The following CAMTA1 variants were observed in gnomAD, a reference collection of about 807,000 sequenced individuals.
CAMTA1 encodes the protein calmodulin binding transcription activator 1.
A neutral mutation model predicts 170.9 loss-of-function variants in CAMTA1; 27 were observed. The ratio of observed to expected loss-of-function variants is 0.16; its 90% confidence interval spans 0.12 to 0.22. The LOEUF is 0.22. Ranked by LOEUF, CAMTA1 falls within the 10% of genes least tolerant of loss-of-function variation. The pLI, the probability that CAMTA1 is intolerant of heterozygous loss-of-function variation, is 1.00. For missense variants in CAMTA1, 1,619 were observed against 2,217.2 expected (o/e 0.73, Z 5.42); for synonymous variants, 833 against 891.5 (o/e 0.93, Z 1.17).
chr1:7,023,294 G>C (rs1359757247), intron 3 of CAMTA1, among the ~76,000 whole-genome samples: 1 of 152,222 alleles, frequency 6.6e-6, no homozygotes, highest in African/African-American at 2.4e-5. Context: ...TGTGTCAGAT[G>C]TAAGCGTAAA....
At chr1:7,483,427 G>T (rs989056213) in intron 6 of CAMTA1, among the ~76,000 whole-genome samples, 2 of 152,222 alleles carry the variant, frequency 1.3e-5, no homozygotes, top group African/African-American at 2.4e-5. Context: ...GAGACCCTCA[G>T]CTCGGGGAGC....
At chr1:6,901,922 G>A (rs79397393) in intron 3 of CAMTA1, among the ~76,000 whole-genome samples, 1 of 151,762 alleles carries the variant, frequency 6.6e-6, no homozygotes, top group African/African-American at 2.4e-5. Flanking sequence ...GGTGGGCCCC[G>A]GTATTCCAGC....
In CAMTA1 at chr1:7,752,320, A is replaced by G. The variant is rs1310374814; in HGVS notation, c.4884-139A>G. On this transcript the variant is annotated intron_variant, in intron 20 of 22. Transcript: ENST00000303635. ...AGCATACGCACTCATCCCCCTTCAG[A>G]TTGTATACATCTTTAACATATGCTG... The G allele has an allele frequency of 5.5e-6, 4 of 721,446 alleles. No homozygotes were observed. In the African/African-American group the frequency reaches 7.0e-5, roughly 13 times the overall value. The allele number at this position is 721,446 out of a possible 1,614,324, so 44.7% of individuals were successfully genotyped here. A position where few individuals can be genotyped will look rare whatever the true frequency, so the allele number is the denominator to read the frequency against.
intron 16 of CAMTA1, among the ~76,000 whole-genome samples, chr1:7,739,024 G>C (rs1448872579): frequency 6.6e-6 from 1 of 152,072 alleles, no homozygotes; most frequent in Non-Finnish European, 1.5e-5. Flanking sequence ...AAAAATTCCA[G>C]AATCTTTTCA....
chr1:7,459,929 G>A (rs2093043605), intron 5 of CAMTA1, among the ~76,000 whole-genome samples: 1 of 152,240 alleles, frequency 6.6e-6, no homozygotes, highest in Non-Finnish European at 1.5e-5. Flanking sequence ...TCCTGAGCCT[G>A]CACTTGAGCC....
chr1:7,141,307 C>T (rs1031174216), intron 4 of CAMTA1, among the ~76,000 whole-genome samples: 1 of 152,218 alleles, frequency 6.6e-6, no homozygotes, highest in Non-Finnish European at 1.5e-5. Context: ...ATGTCAGGGT[C>T]CTGCTCCTGT....
At chr1:7,103,866 C>CAT (rs138771824) in intron 4 of CAMTA1, among the ~76,000 whole-genome samples, 128,939 of 148,562 alleles carry the variant, frequency 0.87, 56,289 homozygotes, top group African/African-American at 0.95. Context: ...CACATACACA[C>CAT]ACACACAACT....
rs2092924406 is a variant in CAMTA1, at chr1:7,455,297, C to G, written c.439-12533C>G. ...GCCTGATGCCGCCCTGCTGTCTGCT[C>G]TCTTTTGTAGAGATGTTTTCGTGAA... On this transcript the variant is annotated intron_variant, in intron 5 of 22. Transcript: ENST00000303635. This position sits in a 1 kb window ranked among gnomAD's most constrained non-coding sequence, Gnocchi z 5.0. Among the ~76,000 whole-genome samples the G allele has an allele frequency of 6.6e-6, 1 of 152,204 alleles. No homozygotes were observed. Among genetic ancestry groups the G allele is most frequent in the Admixed American group, 6.5e-5 (1 of 15,286 alleles).
intron 12 of CAMTA1, among the ~76,000 whole-genome samples, chr1:7,733,904 G>A (rs2096751605): frequency 6.6e-6 from 1 of 152,162 alleles, no homozygotes; most frequent in South Asian, 2.1e-4. Flanking sequence ...CAGCAGGAAA[G>A]AAACAACTTG....
At chr1:7,610,533 C>T (rs758073927) in intron 6 of CAMTA1, among the ~76,000 whole-genome samples, 1 of 152,206 alleles carries the variant, frequency 6.6e-6, no homozygotes, top group Non-Finnish European at 1.5e-5. Flanking sequence ...TCCCTAATGC[C>T]ACAAATGTTC....
intron 4 of CAMTA1, among the ~76,000 whole-genome samples, chr1:7,122,572 T>C (rs528783271): frequency 6.6e-6 from 1 of 152,304 alleles, no homozygotes; most frequent in East Asian, 1.9e-4. Context: ...TCCACCAGCA[T>C]GCCGTCTGAG....
chr1:7,079,522 G>T (rs1639741132), intron 3 of CAMTA1, among the ~76,000 whole-genome samples: 1 of 151,904 alleles, frequency 6.6e-6, no homozygotes, highest in South Asian at 2.1e-4. Flanking sequence ...ATCCAGGCTG[G>T]AGTGCAGTGG....
chr1:7,643,890 AGTGTGTGTGTCCGGGGACAGCAGAG>A (rs1558045984), intron 7 of CAMTA1, among the ~76,000 whole-genome samples: 1 of 151,912 alleles, frequency 6.6e-6, no homozygotes, highest in East Asian at 1.9e-4. Context: ...GCACCAGCTA[AGTGTGTGTGTCCGGGGACAGCAGAG>A]GTGTGCTGAG....
chr1:7,372,248 G>A (rs747134441), intron 5 of CAMTA1, among the ~76,000 whole-genome samples: 2 of 152,094 alleles, frequency 1.3e-5, no homozygotes, highest in African/African-American at 2.4e-5. Context: ...GCTCTCCTTC[G>A]TGCAATATGG....
chr1:7,735,444 CAAAAAAA>C (rs1028269439), intron 12 of CAMTA1, among the ~76,000 whole-genome samples: 968 of 58,202 alleles, frequency 0.017, 20 homozygotes, highest in African/African-American at 0.057. Context: ...GACTCTGTCT[CAAAAAAA>C]AAAAAAAAGA....
chr1:7,476,170 C>T (rs1304952247), intron 6 of CAMTA1, among the ~76,000 whole-genome samples: 1 of 152,172 alleles, frequency 6.6e-6, no homozygotes, highest in Admixed American at 6.5e-5. Context: ...ACTTGGACCT[C>T]GGCAGGGGAC....
intron 3 of CAMTA1, among the ~76,000 whole-genome samples, chr1:6,849,356 C>T (rs879475372): frequency 1.3e-4 from 20 of 151,942 alleles, no homozygotes; most frequent in African/African-American, 4.1e-4. Context: ...GCTGAGAGTA[C>T]GGATAAAATT....
intron 4 of CAMTA1, among the ~76,000 whole-genome samples, chr1:7,163,726 C>T (rs771681494): frequency 3.9e-5 from 6 of 152,092 alleles, no homozygotes; most frequent in East Asian, 1.9e-4. Context: ...AGGTGGACAA[C>T]GGTGAACAGT....
Position 7,409,723 on chromosome 1 carries a change from G to A in CAMTA1, c.439-58107G>A, listed in dbSNP as rs371609376. Among the ~76,000 whole-genome samples the A allele has an allele frequency of 3.9e-5, 6 of 152,230 alleles. No individual in the cohort carries two copies. In the East Asian group the frequency reaches 7.7e-4, roughly 20 times the overall value. ...GGCCACCAGCTCACACAGGACAAGA[G>A]ACTAGGACCCCCTCATTTAGCTTTC... is the stretch of plus-strand genomic sequence containing the variant. On this transcript the variant is annotated intron_variant, in intron 5 of 22. Coordinates refer to ENST00000303635, the MANE Select transcript of CAMTA1 (RefSeq NM_015215.4).
Sources: allele counts gnomAD v4.1 joint callset (sites outside exome capture counted in the v4.1 genomes callset), GRCh38; gene constraint gnomAD v4.1.1; non-coding constraint Gnocchi (gnomAD v3.1); transcripts MANE v1.5; gene names NCBI Gene and HGNC (gene_info 2026-07-23, HGNC 2026-07-21).